The following KCTD5 variants were observed in gnomAD, a reference collection of about 807,000 sequenced individuals.
KCTD5 encodes the protein potassium channel tetramerization domain containing 5, also known as BTB/POZ domain-containing protein KCTD5.
In KCTD5, 12 loss-of-function variants were observed where a neutral mutation model predicts 27.9. The observed-to-expected ratio is 0.43, with a 90% CI of 0.28 to 0.70. The LOEUF is 0.70. Among genes scored for constraint, KCTD5 ranks in the 30% least tolerant of loss-of-function variants. The pLI is 0.19. For synonymous variants in KCTD5, 147 were observed against 121.4 expected (o/e 1.21, Z -1.39); for missense variants, 226 against 274.8 (o/e 0.82, Z 1.26).
intron 4 of KCTD5, among the ~76,000 whole-genome samples, chr16:2,702,044 C>T (rs1440662404): frequency 2.6e-5 from 4 of 152,228 alleles, no homozygotes; most frequent in Non-Finnish European, 4.4e-5. Flanking sequence ...CCCTCCGCCC[C>T]AGCTCAGGGA....
intron 5 of KCTD5, among the ~76,000 whole-genome samples, chr16:2,706,421 A>G (rs770942602): frequency 1.3e-5 from 2 of 152,164 alleles, no homozygotes; most frequent in African/African-American, 2.4e-5. Flanking sequence ...GTTGTGGGCC[A>G]CGCACAGTGA....
intron 5 of KCTD5, among the ~76,000 whole-genome samples, chr16:2,705,805 C>T (rs2067633017): frequency 6.6e-6 from 1 of 152,206 alleles, no homozygotes; most frequent in Admixed American, 6.5e-5. Flanking sequence ...ACCCCAGGCT[C>T]TGTCTAGAGT....
intron 1 of KCTD5, among the ~76,000 whole-genome samples, chr16:2,691,430 C>T (rs2067566186): frequency 6.6e-6 from 1 of 152,236 alleles, no homozygotes; most frequent in Non-Finnish European, 1.5e-5. Context: ...CTACTGCTCG[C>T]CCTTCAGCCT....
intron 4 of KCTD5, among the ~76,000 whole-genome samples, chr16:2,701,644 T>C (rs1283395519): frequency 6.8e-6 from 1 of 147,342 alleles, no homozygotes; most frequent in Non-Finnish European, 1.5e-5. Context: ...GCGCAGGTCT[T>C]AGAGAGGCCA....
chr16:2,708,125 G>T lies in KCTD5; in HGVS notation c.*798G>T. On this transcript the variant is annotated 3_prime_UTR_variant, in exon 6 of 6. Coordinates refer to ENST00000301738, the MANE Select transcript of KCTD5 (RefSeq NM_018992.4). ...CTCGCCCCTCCCACTGCGGGCTCAC[G>T]GGGAGCTGGCGTCTGTCAGTGCCTT... 6.5e-6 allele frequency: 1 copy of T among 152,846 alleles called. No individual in the cohort carries two copies. 9.5% of individuals were successfully genotyped at this position (152,846 alleles called of 1,614,324 possible). A position where few individuals can be genotyped will look rare whatever the true frequency, so the allele number is the denominator to read the frequency against.
intron 5 of KCTD5, among the ~76,000 whole-genome samples, chr16:2,703,441 T>G (rs540946796): frequency 1.3e-5 from 2 of 152,154 alleles, no homozygotes; most frequent in South Asian, 4.1e-4. Flanking sequence ...GTGGGTGCCA[T>G]GAGAGGCCAG....
intron 4 of KCTD5, among the ~76,000 whole-genome samples, chr16:2,700,813 C>A (rs1418944468): frequency 4.6e-5 from 7 of 152,098 alleles, no homozygotes; most frequent in African/African-American, 1.2e-4. Context: ...GCCCCCCCCC[C>A]CTTAAAATGT....
In KCTD5 at chr16:2,696,623, G is replaced by C. The variant is rs556772215; in HGVS notation, c.361+580G>C. Among the ~76,000 whole-genome samples, 300 of 152,342 alleles carry C rather than the reference G, an allele frequency of 2.0e-3. 1 individual carries two copies. Among genetic ancestry groups the C allele is most frequent in the Non-Finnish European group, 3.0e-3 (207 of 68,022 alleles). ...GCTCAGAACAGCTCGAGGCCTCGCC[G>C]TGAAGGCTGAGGGTTTCTGGGCACC... On this transcript the variant is annotated intron_variant, in intron 2 of 5. Coordinates refer to ENST00000301738, the MANE Select transcript of KCTD5 (RefSeq NM_018992.4).
chr16:2,701,161 C>T (rs1873841996), intron 4 of KCTD5, among the ~76,000 whole-genome samples: 2 of 152,224 alleles, frequency 1.3e-5, no homozygotes, highest in Non-Finnish European at 1.5e-5. Context: ...CCGTGGTGGG[C>T]ACCTGCCTCC....
intron 5 of KCTD5, among the ~76,000 whole-genome samples, chr16:2,703,054 C>T (rs1375105886): frequency 1.3e-5 from 2 of 152,198 alleles, no homozygotes; most frequent in Non-Finnish European, 1.5e-5. Flanking sequence ...GCAGCACCGG[C>T]GCAGACTCTG....
intron 1 of KCTD5, 169 bp downstream of exon 1, chr16:2,682,969 C>G (rs771294066): frequency 2.6e-6 from 2 of 777,978 alleles, no homozygotes; most frequent in Non-Finnish European, 1.9e-6. Context: ...CCCCGATCCC[C>G]TACCCTGGGA....
At chr16:2,704,688 C>T (rs369972843) in intron 5 of KCTD5, among the ~76,000 whole-genome samples, 29 of 152,308 alleles carry the variant, frequency 1.9e-4, no homozygotes, top group East Asian at 1.2e-3. Context: ...GGCTCCATTG[C>T]GTAGCCATGC....
chr16:2,699,751 C>A, intron 3 of KCTD5, 70 bp from the exon 4 acceptor site: 1 of 1,465,178 alleles, frequency 6.8e-7, no homozygotes, highest in Non-Finnish European at 9.5e-7. Flanking sequence ...CCTGGGTCAC[C>A]TGGGCTGGGG....
intron 1 of KCTD5, among the ~76,000 whole-genome samples, chr16:2,687,242 G>A (rs562495540): frequency 2.0e-5 from 3 of 152,324 alleles, no homozygotes; most frequent in Non-Finnish European, 2.9e-5. Context: ...GAAATGGAAC[G>A]TTTCTGATGG....
Position 2,688,090 on chromosome 16 carries a change from G to A in KCTD5, c.252+5290G>A, listed in dbSNP as rs540721782. Among the ~76,000 whole-genome samples the A allele has an allele frequency of 8.6e-5, 13 of 151,780 alleles. No homozygotes were observed. In the East Asian group the frequency reaches 1.9e-3, roughly 23 times the overall value. On this transcript the variant is annotated intron_variant, in intron 1 of 5. Coordinates refer to ENST00000301738, the MANE Select transcript of KCTD5 (RefSeq NM_018992.4). Reference sequence around the variant, plus strand: ...TGTAAAGTCCTTACTTTACTGTGACGTCCTCTCCTGAAGATGACAAATGTG... The same window carrying A: ...TGTAAAGTCCTTACTTTACTGTGACATCCTCTCCTGAAGATGACAAATGTG...
At chr16:2,701,607 G>A (rs957277071) in intron 4 of KCTD5, among the ~76,000 whole-genome samples, 2 of 152,234 alleles carry the variant, frequency 1.3e-5, no homozygotes, top group African/African-American at 4.8e-5. Flanking sequence ...GTAGCTGCGG[G>A]CTGCTCTCCC....
rs8063137 is a variant in KCTD5, at chr16:2,699,134, C to T, written c.454-687C>T. ...GGGACCCAGGACCTCTGAACCCCTT[C>T]TCACTGCTGCGTTTCCGTCCAGCCC... On this transcript the variant is annotated intron_variant, in intron 3 of 5. Transcript: ENST00000301738. 7 of 456,006 alleles carry T rather than the reference C, an allele frequency of 1.5e-5. No individual in the cohort carries two copies. The East Asian group carries it at 4.9e-4, about 32-fold the overall frequency. The allele number at this position is 456,006 out of a possible 1,614,324, so 28.2% of individuals were successfully genotyped here.
At chr16:2,687,692 C>T (rs1467238328) in intron 1 of KCTD5, among the ~76,000 whole-genome samples, 1 of 152,212 alleles carries the variant, frequency 6.6e-6, no homozygotes, top group African/African-American at 2.4e-5. Flanking sequence ...CACCAGGCAT[C>T]CCAGGGACTC....
chr16:2,697,955 TGTAAA>T lies in KCTD5; in HGVS notation c.413_417del (p.Val138GlyfsTer4). On this transcript the variant is annotated frameshift_variant, in exon 3 of 6. Coordinates refer to ENST00000301738, the MANE Select transcript of KCTD5 (RefSeq NM_018992.4). LOFTEE classifies it high-confidence loss of function. ...ACAATATCACCTCATTAATAAAACTTGTAAAGGACAAAATTAGAGAACGAGACAGC... is the reference window on the plus strand; with the variant it reads ...ACAATATCACCTCATTAATAAAACTTGGACAAAATTAGAGAACGAGACAGC... 6.2e-7 allele frequency: 1 copy of T among 1,612,470 alleles called. No homozygotes were observed. Among genetic ancestry groups the T allele is most frequent in the Non-Finnish European group, 8.5e-7 (1 of 1,178,688 alleles).
Sources: gnomAD v4.1 joint callset for allele counts (sites outside exome capture counted in the v4.1 genomes callset) on GRCh38, gnomAD v4.1.1 for gene constraint, MANE v1.5 for transcripts, NCBI Gene and HGNC (gene_info 2026-07-23, HGNC 2026-07-21) for gene names.